Variants in ELAVL2 observed in about 807,000 individuals in gnomAD.
ELAVL2 encodes ELAV like RNA binding protein 2.
In ELAVL2, 4 loss-of-function variants were observed where a neutral mutation model predicts 34.6. That is an observed-to-expected ratio of 0.12 (90% CI 0.06 to 0.26). The LOEUF (loss-of-function observed/expected upper bound fraction) is 0.26. Among genes scored for constraint, ELAVL2 ranks in the 10% least tolerant of loss-of-function variants. The pLI, the probability that ELAVL2 is intolerant of heterozygous loss-of-function variation, is 1.00. For synonymous variants in ELAVL2, 193 were observed against 154.8 expected (o/e 1.25, Z -1.83); for missense variants, 432 against 442.8 (o/e 0.98, Z 0.22).
chr9:23,737,188 A>G (rs1301051456), intron 2 of ELAVL2, among the ~76,000 whole-genome samples: 4 of 152,242 alleles, frequency 2.6e-5, no homozygotes, highest in African/African-American at 4.8e-5. Context: ...AAGACAGATC[A>G]TTAAATGTTC....
intron 4 of ELAVL2, among the ~76,000 whole-genome samples, chr9:23,704,195 G>C (rs1165756877): frequency 6.7e-6 from 1 of 148,554 alleles, no homozygotes; most frequent in Non-Finnish European, 1.5e-5. Flanking sequence ...GCCTCCCAAA[G>C]TGCTTGGATT....
At chr9:23,791,146 A>T (rs1381141481) in intron 1 of ELAVL2, among the ~76,000 whole-genome samples, 1 of 152,250 alleles carries the variant, frequency 6.6e-6, no homozygotes. Context: ...ATCAATTGTC[A>T]AAACTCAACT....
chr9:23,771,500 T>C (rs2057304695), intron 1 of ELAVL2, among the ~76,000 whole-genome samples: 1 of 152,074 alleles, frequency 6.6e-6, no homozygotes, highest in South Asian at 2.1e-4. Context: ...AATCCAGAGT[T>C]ATTCACTTTA....
the ELAVL2 span, among the ~76,000 whole-genome samples, chr9:23,840,862 C>T: frequency 6.6e-6 from 1 of 151,976 alleles, no homozygotes; most frequent in Non-Finnish European, 1.5e-5. Context: ...TCTAACTGTC[C>T]TACTTCAAGT....
At chr9:23,789,130 T>C (rs1460524359) in intron 1 of ELAVL2, among the ~76,000 whole-genome samples, 1 of 152,146 alleles carries the variant, frequency 6.6e-6, no homozygotes, top group African/African-American at 2.4e-5. Flanking sequence ...TGTTAAAGAC[T>C]CAGTAAATGG....
intron 1 of ELAVL2, among the ~76,000 whole-genome samples, chr9:23,771,516 G>A (rs2057306480): frequency 6.6e-6 from 1 of 152,074 alleles, no homozygotes; most frequent in African/African-American, 2.4e-5. Flanking sequence ...CTTTATGGTT[G>A]GATATTCACT....
chr9:23,841,840 A>G, the ELAVL2 span, among the ~76,000 whole-genome samples: 1 of 152,202 alleles, frequency 6.6e-6, no homozygotes, highest in Non-Finnish European at 1.5e-5. Flanking sequence ...ACTAGAGGAA[A>G]ATAATTTTTA....
At chr9:23,835,616 C>T in the ELAVL2 span, among the ~76,000 whole-genome samples, 1 of 152,070 alleles carries the variant, frequency 6.6e-6, no homozygotes, top group Non-Finnish European at 1.5e-5. Context: ...AAATGTATAA[C>T]TAATGTCTAC....
intron 2 of ELAVL2, among the ~76,000 whole-genome samples, chr9:23,733,654 C>G (rs1287484334): frequency 6.6e-6 from 1 of 152,170 alleles, no homozygotes. Context: ...AGAGTGCCTA[C>G]TGAGATTAGA....
At chr9:23,844,030 T>C in the ELAVL2 span, among the ~76,000 whole-genome samples, 1 of 152,062 alleles carries the variant, frequency 6.6e-6, no homozygotes, top group East Asian at 1.9e-4. Flanking sequence ...TTCATCTTTC[T>C]ATATATTATT....
intron 2 of ELAVL2, among the ~76,000 whole-genome samples, chr9:23,743,643 A>G (rs556925971): frequency 6.6e-6 from 1 of 152,310 alleles, no homozygotes; most frequent in Non-Finnish European, 1.5e-5. Flanking sequence ...TTCTGGATAC[A>G]TCTTTCCTAT....
intron 1 of ELAVL2, among the ~76,000 whole-genome samples, chr9:23,778,262 A>T (rs2058536919): frequency 6.6e-6 from 1 of 152,222 alleles, no homozygotes; most frequent in Non-Finnish European, 1.5e-5. Context: ...AAAAACAAGC[A>T]GATTCTGTAA....
intron 2 of ELAVL2, among the ~76,000 whole-genome samples, chr9:23,761,537 A>C (rs2055003731): frequency 6.6e-6 from 1 of 152,092 alleles, no homozygotes; most frequent in African/African-American, 2.4e-5. Flanking sequence ...ATATCAGTGA[A>C]AATGTTTATA....
intron 3 of ELAVL2, among the ~76,000 whole-genome samples, chr9:23,707,031 T>C (rs1028357699): frequency 1.3e-5 from 2 of 152,232 alleles, no homozygotes; most frequent in Non-Finnish European, 2.9e-5. Context: ...ATATTAGCAC[T>C]GTCCTGTTCT....
At chr9:23,839,882 C>T in the ELAVL2 span, among the ~76,000 whole-genome samples, 1 of 152,036 alleles carries the variant, frequency 6.6e-6, no homozygotes, top group East Asian at 1.9e-4. Context: ...TCTTTTAAGG[C>T]CATAAAATGA....
intron 1 of ELAVL2, among the ~76,000 whole-genome samples, chr9:23,793,672 T>A (rs192705310): frequency 2.6e-5 from 4 of 152,128 alleles, no homozygotes; most frequent in African/African-American, 4.8e-5. Flanking sequence ...CCTTATTGAT[T>A]TTCATCATGT....
At chr9:23,800,084 G>T (rs540697169) in intron 1 of ELAVL2, among the ~76,000 whole-genome samples, 1 of 152,150 alleles carries the variant, frequency 6.6e-6, no homozygotes, top group Admixed American at 6.5e-5. Flanking sequence ...CCTCATTAAG[G>T]CAAGTTTTCT....
chr9:23,716,354 T>C (rs541901594), intron 3 of ELAVL2, among the ~76,000 whole-genome samples: 4 of 152,300 alleles, frequency 2.6e-5, no homozygotes, highest in South Asian at 2.1e-4. Flanking sequence ...TGTTTTTGTA[T>C]GAAACAAAAA....
intron 1 of ELAVL2, among the ~76,000 whole-genome samples, chr9:23,775,987 A>G (rs1050299166): frequency 6.6e-6 from 1 of 152,196 alleles, no homozygotes; most frequent in Non-Finnish European, 1.5e-5. Flanking sequence ...ATCAAGACAG[A>G]TCCATAAAGA....
Sources: gnomAD v4.1 joint callset for allele counts (sites outside exome capture counted in the v4.1 genomes callset) on GRCh38, gnomAD v4.1.1 for gene constraint, MANE v1.5 for transcripts, NCBI Gene and HGNC (gene_info 2026-07-23, HGNC 2026-07-21) for gene names.